Variants in KIAA1328 observed in about 807,000 individuals in gnomAD.
KIAA1328 encodes KIAA1328.
In KIAA1328, 52 loss-of-function variants were observed where a neutral mutation model predicts 68.1. The ratio of observed to expected loss-of-function variants is 0.76; its 90% CI spans 0.61 to 0.96. The LOEUF (loss-of-function observed/expected upper bound fraction) is 0.96. Ranked by LOEUF, KIAA1328 falls within the 40% of genes least tolerant of loss-of-function variation. The probability of loss-of-function intolerance (pLI) is 0.00; values close to 1 mark genes in which losing one functional copy is unlikely to be tolerated. For missense variants in KIAA1328, 641 were observed against 677.6 expected (o/e 0.95, Z 0.60); for synonymous variants, 232 against 239.4 (o/e 0.97, Z 0.28).
At chr18:37,172,918 CT>C (rs1365267756) in intron 8 of KIAA1328, 54 bp from the exon 9 acceptor site, 2 of 1,348,776 alleles carry the variant, frequency 1.5e-6, no homozygotes, top group Non-Finnish European at 2.1e-6. Flanking sequence ...TAAGAGTGAA[CT>C]TTTCCATTTT....
At chr18:36,876,625 G>C (rs533798782) in intron 4 of KIAA1328, among the ~76,000 whole-genome samples, 1 of 152,044 alleles carries the variant, frequency 6.6e-6, no homozygotes, top group African/African-American at 2.4e-5. Flanking sequence ...CAAAAAACCA[G>C]CTCCTGGATT....
chr18:37,165,473 G>A (rs1370323276), intron 8 of KIAA1328, among the ~76,000 whole-genome samples: 1 of 151,610 alleles, frequency 6.6e-6, no homozygotes, highest in Non-Finnish European at 1.5e-5. Context: ...AGACTGGAGT[G>A]CAATGGTGCT....
At chr18:36,848,375 A>G (rs781066134) in intron 4 of KIAA1328, among the ~76,000 whole-genome samples, 2 of 151,254 alleles carry the variant, frequency 1.3e-5, no homozygotes, top group Non-Finnish European at 3.0e-5. Context: ...TTGATTGCTC[A>G]TTTGAAAAAT....
intron 9 of KIAA1328, among the ~76,000 whole-genome samples, chr18:37,175,870 G>A (rs1599512564): frequency 1.3e-5 from 2 of 152,256 alleles, no homozygotes; most frequent in Admixed American, 1.3e-4. Flanking sequence ...TTCAAGACCT[G>A]CAAACAAGGA....
At chr18:37,059,663 A>G (rs1170772302) in intron 6 of KIAA1328, among the ~76,000 whole-genome samples, 1 of 152,196 alleles carries the variant, frequency 6.6e-6, no homozygotes, top group African/African-American at 2.4e-5. Context: ...CAGAAATACC[A>G]TTTGACCCAG....
At chr18:37,211,751 G>A (rs757499512) in intron 9 of KIAA1328, among the ~76,000 whole-genome samples, 29 of 152,086 alleles carry the variant, frequency 1.9e-4, no homozygotes, top group Non-Finnish European at 7.4e-5. Context: ...ATATTTCATA[G>A]TAATGAGTAC....
At chr18:36,874,370 C>A (rs557962389) in intron 4 of KIAA1328, among the ~76,000 whole-genome samples, 7 of 152,166 alleles carry the variant, frequency 4.6e-5, no homozygotes, top group Admixed American at 4.6e-4. Context: ...TTTTTGTGAT[C>A]GCCATTCTAA....
At chr18:37,229,539 T>C, downstream of KIAA1328, 4 of 1,272,040 alleles carry the variant, frequency 3.1e-6, no homozygotes, top group Non-Finnish European at 4.1e-6. Context: ...GGTCATTTTT[T>C]ACTTCTTCCC....
At chr18:37,027,557 A>G (rs576642596) in intron 6 of KIAA1328, among the ~76,000 whole-genome samples, 1 of 152,338 alleles carries the variant, frequency 6.6e-6, no homozygotes, top group African/African-American at 2.4e-5. Context: ...CCTCAGAAAT[A>G]ATACCACATA....
intron 5 of KIAA1328, chr18:36,923,645 C>T (rs1003145655): frequency 3.9e-5 from 6 of 152,174 alleles, no homozygotes; most frequent in Non-Finnish European, 7.4e-5. Context: ...ACATTCTAGA[C>T]AGACAGACAT....
intron 9 of KIAA1328, among the ~76,000 whole-genome samples, chr18:37,177,143 G>C (rs2059611338): frequency 6.6e-6 from 1 of 152,148 alleles, no homozygotes; most frequent in African/African-American, 2.4e-5. Flanking sequence ...TTTCAAATTT[G>C]ACTGGGAAAG....
rs12326301 is a variant in KIAA1328, at chr18:37,067,460, C to G, written c.1147C>G (p.Arg383Gly). Reference sequence around the variant, plus strand: ...AATGGAACTGGAAATTGAAAAGGAGCGCCTTCAGCATCTGCTGGCCCAGCA... The same window carrying G: ...AATGGAACTGGAAATTGAAAAGGAGGGCCTTCAGCATCTGCTGGCCCAGCA... ...QKMELEIEKE[R>G]LQHLLAQQET... The change falls in exon 7 of 10, where the codon CGC becomes GGC. Residue 383 changes from arginine to glycine, a missense_variant. By Grantham distance (125) the Arg-to-Gly change is moderately radical (BLOSUM62 -2). Coordinates refer to ENST00000280020, the MANE Select transcript of KIAA1328 (RefSeq NM_020776.3). 185 of 1,569,130 alleles carry G rather than the reference C, an allele frequency of 1.2e-4. No homozygotes were observed. The highest frequency in any genetic ancestry group is 1.5e-4 in the Non-Finnish European group (177 of 1,157,932).
intron 6 of KIAA1328, among the ~76,000 whole-genome samples, chr18:37,003,687 C>T (rs2053672675): frequency 6.6e-6 from 1 of 152,024 alleles, no homozygotes; most frequent in South Asian, 2.1e-4. Context: ...AAAGGGTTTT[C>T]GATGTTATCT....
At chr18:37,073,400 A>G (rs1456922911) in intron 7 of KIAA1328, among the ~76,000 whole-genome samples, 1 of 152,248 alleles carries the variant, frequency 6.6e-6, no homozygotes. Flanking sequence ...GCCAACAAAC[A>G]TATGAAAAAA....
chr18:36,992,775 A>G (rs960577561), intron 6 of KIAA1328, among the ~76,000 whole-genome samples: 1 of 152,206 alleles, frequency 6.6e-6, no homozygotes, highest in Non-Finnish European at 1.5e-5. Context: ...TGTAGCAGGT[A>G]TTCCTGACAA....
chr18:36,922,009 C>T lies in KIAA1328; in HGVS notation c.448+36337C>T, dbSNP rs192519604. On this transcript the variant is annotated intron_variant, in intron 5 of 9. Transcript: ENST00000280020. ...ATGGCACGATCGTGGCTCACTGCAA[C>T]CTCCACCTCCCAGCTTCAAGCAATT... 2.9e-3 allele frequency among the ~76,000 whole-genome samples: 443 copies of T among 151,958 alleles called. 4 individuals are homozygous for T. Among genetic ancestry groups the T allele is most frequent in the Admixed American group, 0.019 (288 of 15,254 alleles).
rs564863350 is a variant in KIAA1328 at position 36,863,084 on chromosome 18, T to C, written c.332+18782T>C. On this transcript the variant is annotated intron_variant, in intron 4 of 9. Transcript: ENST00000280020. ...AAAATCCTTTATTGGATATGTACTT[T>C]GCAAATACTTTTATCTAGTTTGTAG... 2.0e-5 allele frequency among the ~76,000 whole-genome samples: 3 copies of C among 152,314 alleles called. No homozygotes were observed. In the South Asian group the frequency reaches 6.2e-4, roughly 32 times the overall value.
intron 7 of KIAA1328, among the ~76,000 whole-genome samples, chr18:37,089,348 A>G (rs1238746154): frequency 7.1e-6 from 1 of 139,992 alleles, no homozygotes; most frequent in Admixed American, 7.2e-5. Context: ...TTATTCTACT[A>G]TTAGGGTACT....
At chr18:36,950,095 A>G (rs1022948117) in intron 5 of KIAA1328, among the ~76,000 whole-genome samples, 3 of 152,168 alleles carry the variant, frequency 2.0e-5, no homozygotes, top group Admixed American at 6.5e-5. Context: ...TATATTATCA[A>G]TGAGTCCTAA....
Sources: allele counts gnomAD v4.1 joint callset (sites outside exome capture counted in the v4.1 genomes callset), GRCh38; gene constraint gnomAD v4.1.1; transcripts MANE v1.5; gene names NCBI Gene and HGNC (gene_info 2026-07-23, HGNC 2026-07-21).